The following DZANK1 variants were observed in gnomAD, a reference collection of about 807,000 sequenced individuals.
DZANK1 encodes the protein double zinc ribbon and ankyrin repeat domains 1, also known as double zinc ribbon and ankyrin repeat-containing protein 1.
A neutral mutation model predicts 94.5 loss-of-function variants in DZANK1; 91 were observed. The ratio of observed to expected loss-of-function variants is 0.96; its 90% confidence interval spans 0.81 to 1.15. DZANK1 has a LOEUF of 1.15. Ranked by LOEUF, DZANK1 falls within the 50% of genes most tolerant of loss-of-function variation. The pLI is 0.00. For missense variants in DZANK1, 903 were observed against 916.4 expected (o/e 0.99, Z 0.19); for synonymous variants, 312 against 325.3 (o/e 0.96, Z 0.44).
At chr20:18,416,245 GC>G (rs1418226954) in intron 10 of DZANK1, among the ~76,000 whole-genome samples, 12 of 152,086 alleles carry the variant, frequency 7.9e-5, no homozygotes, top group Non-Finnish European at 1.5e-4. Context: ...ACTCCATACA[GC>G]CCCTTCAATA....
At chr20:18,414,282 G>T in intron 12 of DZANK1, 66 bp downstream of exon 12, 1 of 1,574,366 alleles carries the variant, frequency 6.4e-7, no homozygotes. Flanking sequence ...TCACAGGGTG[G>T]AGCACACACA....
chr20:18,388,164 G>A (rs757428460), intron 19 of DZANK1, among the ~76,000 whole-genome samples: 4 of 152,180 alleles, frequency 2.6e-5, no homozygotes, highest in African/African-American at 7.2e-5. Flanking sequence ...TGTGCTCTAC[G>A]TGAGAGAGGG....
Position 18,412,756 on chromosome 20 carries a change from G to T in DZANK1, c.1322C>A (p.Pro441Gln). 3 of 1,613,824 alleles carry T rather than the reference G, an allele frequency of 1.9e-6. No individual in the cohort carries two copies. The African/African-American group carries it at 4.0e-5, about 22-fold the overall frequency. The change falls in exon 13 of 21, where the codon CCA becomes CAA. Residue 441 changes from proline to glutamine, a missense_variant. Coordinates refer to ENST00000262547, the Ensembl canonical transcript of DZANK1. ...CTTTTTTGCTAGCAGCTTGCCAGAT[G>T]GGTAGAAGAGGCCAACAGTCTGTGT...
At chr20:18,383,450 A>T (rs1038895362) in exon 21 of DZANK1, 3 of 152,192 alleles carry the variant, frequency 2.0e-5, no homozygotes, top group African/African-American at 7.2e-5. Context: ...TGATGATTTC[A>T]ACATAAAAAA....
chr20:18,394,939 A>T (rs1216211724), intron 15 of DZANK1: 1 of 454,152 alleles, frequency 2.2e-6, no homozygotes, highest in African/African-American at 2.0e-5. Flanking sequence ...CTACATAATG[A>T]GGCCAGACAC....
chr20:18,449,199 T>C (rs1378530648), intron 6 of DZANK1, 130 bp from the exon 7 acceptor site: 25 of 704,128 alleles, frequency 3.6e-5, no homozygotes, highest in Non-Finnish European at 5.1e-5. Flanking sequence ...AGAGGAATAA[T>C]AGACACTATA....
chr20:18,416,796 A>G (rs901165905), intron 10 of DZANK1, among the ~76,000 whole-genome samples: 1 of 152,148 alleles, frequency 6.6e-6, no homozygotes, highest in East Asian at 1.9e-4. Context: ...AAACTCCTTC[A>G]GGTAAATCAA....
chr20:18,453,997 C>A (rs374043117), intron 4 of DZANK1, 170 bp from the exon 5 acceptor site: 46 of 721,000 alleles, frequency 6.4e-5, no homozygotes, highest in Non-Finnish European at 1.0e-4. Context: ...AGCTTTGTAT[C>A]TGGACTGGGC....
intron 10 of DZANK1, 110 bp from the exon 11 acceptor site, chr20:18,415,559 T>C: frequency 8.4e-7 from 1 of 1,194,812 alleles, no homozygotes; most frequent in Non-Finnish European, 1.1e-6. Context: ...CCGGAAATAG[T>C]GTTTTTTTTG....
At chr20:18,392,823 A>G (rs927167195) in intron 17 of DZANK1, among the ~76,000 whole-genome samples, 1 of 146,054 alleles carries the variant, frequency 6.8e-6, no homozygotes, top group Admixed American at 6.8e-5. Context: ...ACCAACAAAA[A>G]TCCAGCTGAA....
At chr20:18,409,647 A>C (rs1326294651) in intron 13 of DZANK1, among the ~76,000 whole-genome samples, 1 of 152,088 alleles carries the variant, frequency 6.6e-6, no homozygotes, top group Non-Finnish European at 1.5e-5. Context: ...TTATAAATGC[A>C]TATTTCTTTT....
chr20:18,422,263 A>G (rs1312776321), intron 10 of DZANK1, among the ~76,000 whole-genome samples: 1 of 152,242 alleles, frequency 6.6e-6, no homozygotes, highest in Non-Finnish European at 1.5e-5. Context: ...GCATGTAAAT[A>G]TCCAGTTTTT....
intron 8 of DZANK1, among the ~76,000 whole-genome samples, chr20:18,434,545 CAAAAAAAAA>C (rs55680576): frequency 2.1e-5 from 1 of 47,560 alleles, no homozygotes; most frequent in Non-Finnish European, 4.1e-5. Flanking sequence ...GACTCCTGCT[CAAAAAAAAA>C]AAAAAAAAAA....
intron 6 of DZANK1, 39 bp from the exon 7 acceptor site, chr20:18,449,108 A>T: frequency 6.6e-7 from 1 of 1,525,356 alleles, no homozygotes; most frequent in Non-Finnish European, 9.1e-7. Flanking sequence ...AGAGTCATAT[A>T]GTCAAAATAA....
chr20:18,398,388 G>C (rs1183659216), intron 14 of DZANK1, 135 bp downstream of exon 14: 7 of 743,576 alleles, frequency 9.4e-6, no homozygotes, highest in Non-Finnish European at 1.6e-5. Flanking sequence ...CAAGGCAGAA[G>C]AGTAAGAAAG....
chr20:18,395,241 A>C (rs939822951), intron 15 of DZANK1, among the ~76,000 whole-genome samples: 1 of 152,152 alleles, frequency 6.6e-6, no homozygotes, highest in Non-Finnish European at 1.5e-5. Context: ...TGACCCTGTA[A>C]TCCCAGCTAC....
chr20:18,409,449 G>GT (rs2057124505), intron 13 of DZANK1, among the ~76,000 whole-genome samples: 1 of 151,974 alleles, frequency 6.6e-6, no homozygotes. Context: ...AGCTAGTAGA[G>GT]TTTAACAAAA....
chr20:18,465,609 AAT>A (rs1292481971), intron 1 of DZANK1, among the ~76,000 whole-genome samples: 1 of 152,160 alleles, frequency 6.6e-6, no homozygotes, highest in Non-Finnish European at 1.5e-5. Context: ...AGCATGAATG[AAT>A]GAGATGGGGA....
At chr20:18,384,784 C>T (rs763308041) in intron 20 of DZANK1, among the ~76,000 whole-genome samples, 1 of 152,196 alleles carries the variant, frequency 6.6e-6, no homozygotes, top group Non-Finnish European at 1.5e-5. Context: ...ATTGCAAATC[C>T]TGGCCATTGG....
Sources: gnomAD v4.1 joint callset for allele counts (sites outside exome capture counted in the v4.1 genomes callset) on GRCh38, gnomAD v4.1.1 for gene constraint, MANE v1.5 for transcripts, NCBI Gene and HGNC (gene_info 2026-07-23, HGNC 2026-07-21) for gene names.